BAZ2B: variants seen among roughly 807,000 people sequenced by gnomAD.
The protein encoded by BAZ2B is bromodomain adjacent to zinc finger domain protein 2B.
A neutral mutation model predicts 246.0 loss-of-function variants in BAZ2B; 91 were observed. That is an observed-to-expected ratio of 0.37 (90% CI 0.31 to 0.44). BAZ2B has a LOEUF of 0.44. Among genes scored for constraint, BAZ2B ranks in the 20% least tolerant of loss-of-function variants. The pLI is 1.00. For synonymous variants in BAZ2B, 855 were observed against 860.0 expected, an observed-to-expected ratio of 0.99 and a Z score of 0.10; for missense variants, 2,332 against 2,533.7, an observed-to-expected ratio of 0.92 and a Z score of 1.71.
intron 2 of BAZ2B, among the ~76,000 whole-genome samples, chr2:159,554,003 T>C (rs1039352862): frequency 9.9e-5 from 15 of 152,146 alleles, no homozygotes; most frequent in African/African-American, 3.6e-4. Flanking sequence ...AATGTTGAAA[T>C]CTACCCTCTT....
intron 2 of BAZ2B, among the ~76,000 whole-genome samples, chr2:159,523,938 T>C (rs2084431432): frequency 1.3e-5 from 2 of 152,212 alleles, no homozygotes; most frequent in Non-Finnish European, 2.9e-5. Flanking sequence ...CTTATTCATC[T>C]AAGTCTCATT....
chr2:159,646,751 G>A, the BAZ2B span, among the ~76,000 whole-genome samples: 1 of 152,064 alleles, frequency 6.6e-6, no homozygotes, highest in Non-Finnish European at 1.5e-5. Flanking sequence ...TCTGCAGCCA[G>A]GGGTTGGGGA....
intron 13 of BAZ2B, among the ~76,000 whole-genome samples, chr2:159,422,122 T>C (rs924806214): frequency 1.3e-5 from 2 of 152,206 alleles, no homozygotes; most frequent in African/African-American, 4.8e-5. Flanking sequence ...AAACGTTCCA[T>C]GCTCATGGAT....
chr2:159,417,752 A>G (rs1253402589), intron 13 of BAZ2B, among the ~76,000 whole-genome samples: 1 of 152,210 alleles, frequency 6.6e-6, no homozygotes. Context: ...ACATTATCTA[A>G]AAGTCAGCTA....
chr2:159,662,981 A>G, the BAZ2B span, among the ~76,000 whole-genome samples: 1 of 152,092 alleles, frequency 6.6e-6, no homozygotes, highest in African/African-American at 2.4e-5. Flanking sequence ...ATAAATATGT[A>G]TTTTGATTCT....
chr2:159,515,047 T>C (rs2083291357), intron 2 of BAZ2B, among the ~76,000 whole-genome samples: 1 of 152,034 alleles, frequency 6.6e-6, no homozygotes, highest in Non-Finnish European at 1.5e-5. Context: ...CTATTTACAT[T>C]ATCCCATTTT....
At chr2:159,465,619 C>G (rs1434603923) in intron 3 of BAZ2B, among the ~76,000 whole-genome samples, 1 of 152,162 alleles carries the variant, frequency 6.6e-6, no homozygotes, top group Non-Finnish European at 1.5e-5. Context: ...AAAGGCTAGA[C>G]AGTTGAAAAT....
chr2:159,706,531 T>C, the BAZ2B span, among the ~76,000 whole-genome samples: 2 of 152,248 alleles, frequency 1.3e-5, no homozygotes, highest in Non-Finnish European at 2.9e-5. Context: ...CCTCCGTGTG[T>C]GTGCGTGTGT....
chr2:159,593,905 C>G (rs916583107), intron 1 of BAZ2B, among the ~76,000 whole-genome samples: 14 of 152,156 alleles, frequency 9.2e-5, no homozygotes, highest in African/African-American at 3.1e-4. Context: ...AAGTACTAAC[C>G]AGGCCTGTCC....
chr2:159,637,928 C>T, the BAZ2B span, among the ~76,000 whole-genome samples: 831 of 152,284 alleles, frequency 5.5e-3, 9 homozygotes, highest in African/African-American at 0.02. Flanking sequence ...ATGCCGGGGA[C>T]CTGGAGGAAC....
At chr2:159,523,839 T>C (rs1293438694) in intron 2 of BAZ2B, among the ~76,000 whole-genome samples, 2 of 152,094 alleles carry the variant, frequency 1.3e-5, no homozygotes, top group East Asian at 1.9e-4. Flanking sequence ...TCTGATATAA[T>C]AACAACCCCT....
the BAZ2B span, chr2:159,712,188 G>A: frequency 2.0e-5 from 3 of 152,104 alleles, no homozygotes; most frequent in African/African-American, 7.2e-5. Context: ...CGCCCGGGAG[G>A]GAAGGGGCTG....
At chr2:159,338,907 T>G (rs762579391) in intron 31 of BAZ2B, among the ~76,000 whole-genome samples, 2 of 152,334 alleles carry the variant, frequency 1.3e-5, no homozygotes, top group Non-Finnish European at 2.9e-5. Flanking sequence ...AGCTACTAGA[T>G]TCTGCATATA....
intron 2 of BAZ2B, chr2:159,516,231 T>C (rs1221361418): frequency 6.6e-6 from 1 of 152,082 alleles, no homozygotes; most frequent in Non-Finnish European, 1.5e-5. Flanking sequence ...CCAAATACCC[T>C]TGCATTTACA....
downstream of BAZ2B, among the ~76,000 whole-genome samples, chr2:159,315,984 T>A (rs953398577): frequency 6.6e-6 from 1 of 152,208 alleles, no homozygotes; most frequent in Non-Finnish European, 1.5e-5. Context: ...GAAACAGAAT[T>A]TAAAAACAAT....
chr2:159,482,928 G>A (rs1365030431), intron 2 of BAZ2B, among the ~76,000 whole-genome samples: 1 of 152,004 alleles, frequency 6.6e-6, no homozygotes, highest in Non-Finnish European at 1.5e-5. Context: ...ATTTCTGTTA[G>A]GGCCAGAGCA....
intron 14 of BAZ2B, among the ~76,000 whole-genome samples, chr2:159,411,381 G>C (rs1340284749): frequency 2.6e-5 from 4 of 152,086 alleles, no homozygotes; most frequent in Non-Finnish European, 4.4e-5. Flanking sequence ...CAACAGAGAA[G>C]TCTATATTAT....
chr2:159,590,466 C>T (rs1228056271), intron 1 of BAZ2B, among the ~76,000 whole-genome samples: 1 of 151,640 alleles, frequency 6.6e-6, no homozygotes, highest in African/African-American at 2.4e-5. Flanking sequence ...TAGTGGGCGC[C>T]TATAATCTCA....
the BAZ2B span, among the ~76,000 whole-genome samples, chr2:159,624,085 C>T: frequency 6.6e-6 from 1 of 152,296 alleles, no homozygotes; most frequent in African/African-American, 2.4e-5. Flanking sequence ...CTGGGAGGTT[C>T]GAACCGGGTG....
Sources: gnomAD v4.1 joint callset for allele counts (sites outside exome capture counted in the v4.1 genomes callset) on GRCh38, gnomAD v4.1.1 for gene constraint, MANE v1.5 for transcripts, NCBI Gene and HGNC (gene_info 2026-07-23, HGNC 2026-07-21) for gene names.